Variants in FSHR observed in about 807,000 individuals in gnomAD.
FSHR encodes the protein follicle-stimulating hormone receptor.
In FSHR, 46 loss-of-function variants were observed where a neutral mutation model predicts 52.1. That is an observed-to-expected ratio of 0.88 (90% CI 0.70 to 1.13). FSHR has a LOEUF of 1.13. FSHR is among the 50% of genes most tolerant of loss of function. FSHR has a pLI of 0.00. For synonymous variants in FSHR, 399 were observed against 309.6 expected, an observed-to-expected ratio of 1.29 and a Z score of -3.03; for missense variants, 964 against 834.6, an observed-to-expected ratio of 1.16 and a Z score of -1.91.
At chr2:49,001,832 C>A (rs1439119194) in intron 4 of FSHR, among the ~76,000 whole-genome samples, 1 of 152,120 alleles carries the variant, frequency 6.6e-6, no homozygotes, top group Non-Finnish European at 1.5e-5. Flanking sequence ...GGGTTGGAGT[C>A]TGACATTCCT....
At chr2:49,015,583 C>G (rs372392928) in intron 4 of FSHR, among the ~76,000 whole-genome samples, 1 of 152,144 alleles carries the variant, frequency 6.6e-6, no homozygotes, top group Non-Finnish European at 1.5e-5. Flanking sequence ...AAGACCTAGA[C>G]TTTCTGATTC....
At chr2:49,118,130 A>T (rs976325692) in intron 1 of FSHR, among the ~76,000 whole-genome samples, 12 of 152,056 alleles carry the variant, frequency 7.9e-5, no homozygotes, top group African/African-American at 2.7e-4. Context: ...AAAGAGTAAA[A>T]GCTAAAAAGG....
chr2:49,045,496 A>C (rs17038139), intron 2 of FSHR, among the ~76,000 whole-genome samples: 4,362 of 152,338 alleles, frequency 0.029, 85 homozygotes, highest in African/African-American at 0.056. Flanking sequence ...CTTGGCTAAG[A>C]GGTTCTGGTT....
Position 48,962,803 on chromosome 2 carries a change from G to A in FSHR, c.2018C>T (p.Ser673Phe), listed in dbSNP as rs1224294706. ...HNTHPRNGHCSSAPRVTSGST... is the reference protein window; with the variant it reads ...HNTHPRNGHCFSAPRVTSGST... ...ACCACTGGTGACTCTGGGAGCTGAA[G>A]AGCAGTGGCCATTCCTTGGATGGGT... The change falls in exon 10 of 10, where the codon TCT (serine) becomes TTT (phenylalanine). Residue 673 changes from serine to phenylalanine, a missense_variant. By Grantham distance (155) the Ser-to-Phe change is radical. Transcript: ENST00000406846. 1.1e-5 allele frequency: 17 copies of A among 1,614,058 alleles called. No individual in the cohort carries two copies. Among genetic ancestry groups the A allele is most frequent in the Non-Finnish European group, 1.4e-5 (17 of 1,180,014 alleles).
At chr2:49,115,167 T>C (rs1374180396) in intron 1 of FSHR, among the ~76,000 whole-genome samples, 1 of 150,220 alleles carries the variant, frequency 6.7e-6, no homozygotes, top group Non-Finnish European at 1.5e-5. Context: ...TGTATGACCC[T>C]TTACAGGATC....
chr2:49,029,513 C>G (rs1427247730), intron 2 of FSHR, among the ~76,000 whole-genome samples: 1 of 152,210 alleles, frequency 6.6e-6, no homozygotes, highest in African/African-American at 2.4e-5. Context: ...CCCTTCATCA[C>G]TTTGGCAAAT....
chr2:49,014,754 T>C (rs1014951960), intron 4 of FSHR: 14 of 288,282 alleles, frequency 4.9e-5, no homozygotes, highest in African/African-American at 3.0e-4. Flanking sequence ...GGGATATCTA[T>C]GTGAAGAGCT....
At chr2:49,107,215 T>A (rs1415575381) in intron 1 of FSHR, among the ~76,000 whole-genome samples, 4 of 152,258 alleles carry the variant, frequency 2.6e-5, no homozygotes, top group Non-Finnish European at 5.9e-5. Flanking sequence ...TATTCTTAGT[T>A]CCACTTTTTT....
chr2:48,963,023 G>A lies in FSHR; in HGVS notation c.1798C>T (p.Pro600Ser), dbSNP rs748594235. ...TTTGCTTTGGACACAGTGATGAGGG[G>A]CACCTTGAGGGAGGCAGAAATGGCA... ...FFAISASLKV[P>S]LITVSKAKIL... Residue 600 changes from proline (P) to serine (S), a missense_variant, in exon 10 of 10, where the codon CCC becomes TCC. By Grantham distance (74) the Pro-to-Ser change is moderately conservative. Coordinates refer to ENST00000406846, the MANE Select transcript of FSHR (RefSeq NM_000145.4). 7.4e-6 allele frequency: 12 copies of A among 1,614,100 alleles called. No individual in the cohort carries two copies. The highest frequency in any genetic ancestry group is 1.0e-5 in the Non-Finnish European group (12 of 1,179,992).
chr2:49,021,884 TATAGAGAGAGAG>T (rs1158518947), intron 2 of FSHR, among the ~76,000 whole-genome samples: 3 of 36,556 alleles, frequency 8.2e-5, no homozygotes, highest in African/African-American at 2.9e-4. Flanking sequence ...TATATATATA[TATAGAGAGAGAG>T]AGAGAGAGAG....
intron 1 of FSHR, among the ~76,000 whole-genome samples, chr2:49,141,823 G>A (rs1672698015): frequency 1.3e-5 from 2 of 152,172 alleles, no homozygotes; most frequent in South Asian, 4.1e-4. Flanking sequence ...GGCCCACTGT[G>A]TCTTTTTTTC....
At chr2:49,017,363 C>A (rs1667523875) in intron 4 of FSHR, 126 bp downstream of exon 4, 1 of 697,294 alleles carries the variant, frequency 1.4e-6, no homozygotes, top group East Asian at 2.7e-5. Flanking sequence ...TCCACCTCCA[C>A]TTCTGCCCCC....
chr2:49,060,576 A>G (rs1572693046), intron 2 of FSHR, among the ~76,000 whole-genome samples: 1 of 152,132 alleles, frequency 6.6e-6, no homozygotes, highest in African/African-American at 2.4e-5. Flanking sequence ...CCTGAGCTGA[A>G]GTGGCACATT....
At chr2:49,071,347 A>G (rs1669720176) in intron 1 of FSHR, among the ~76,000 whole-genome samples, 1 of 152,180 alleles carries the variant, frequency 6.6e-6, no homozygotes. Flanking sequence ...TCTTCAAATA[A>G]AAAATAATTA....
intron 1 of FSHR, among the ~76,000 whole-genome samples, chr2:49,136,326 A>G (rs764088884): frequency 1.4e-4 from 21 of 152,118 alleles, no homozygotes; most frequent in Non-Finnish European, 2.9e-4. Flanking sequence ...GAAGAAATAT[A>G]TAATATAAAT....
chr2:49,031,123 A>G (rs749262603), intron 2 of FSHR, among the ~76,000 whole-genome samples: 23 of 152,230 alleles, frequency 1.5e-4, no homozygotes, highest in African/African-American at 4.8e-5. Flanking sequence ...CCTTTGTTTA[A>G]ATAAAAACTT....
intron 4 of FSHR, among the ~76,000 whole-genome samples, chr2:48,999,252 G>A (rs1304264105): frequency 7.1e-6 from 1 of 141,656 alleles, no homozygotes; most frequent in African/African-American, 2.6e-5. Flanking sequence ...ACTTACTATC[G>A]ATTATTTAAT....
chr2:48,983,541 A>T (rs769072991), intron 6 of FSHR, among the ~76,000 whole-genome samples: 1 of 152,160 alleles, frequency 6.6e-6, no homozygotes, highest in Non-Finnish European at 1.5e-5. Flanking sequence ...GAATCGTACA[A>T]TTATTGAACA....
intron 1 of FSHR, among the ~76,000 whole-genome samples, chr2:49,124,111 G>T (rs2103787401): frequency 6.6e-6 from 1 of 151,308 alleles, no homozygotes. Flanking sequence ...CTCTGTCTCA[G>T]CCTCCCGAGT....
Sources: gnomAD v4.1 joint callset for allele counts (sites outside exome capture counted in the v4.1 genomes callset) on GRCh38, gnomAD v4.1.1 for gene constraint, MANE v1.5 for transcripts, NCBI Gene and HGNC (gene_info 2026-07-23, HGNC 2026-07-21) for gene names.